SHISA9: variants seen among roughly 807,000 people sequenced by gnomAD.
The protein encoded by SHISA9 is shisa family member 9.
Under a neutral mutation model 38.0 loss-of-function variants are expected in SHISA9, and 13 were observed. The ratio of observed to expected loss-of-function variants is 0.34; its 90% CI spans 0.22 to 0.54. The LOEUF is 0.54. Among genes scored for constraint, SHISA9 ranks in the 20% least tolerant of loss-of-function variants. The probability of loss-of-function intolerance (pLI) is 0.91; values close to 1 mark genes in which losing one functional copy is unlikely to be tolerated. For synonymous variants in SHISA9, 275 were observed against 242.0 expected (o/e 1.14, Z -1.27); for missense variants, 538 against 575.8 (o/e 0.93, Z 0.67).
At chr16:13,381,784 T>C in the SHISA9 span, among the ~76,000 whole-genome samples, 1 of 152,238 alleles carries the variant, frequency 6.6e-6, no homozygotes, top group Admixed American at 6.5e-5. Flanking sequence ...TTATTGTGCC[T>C]GGAGCAGGAC....
chr16:13,032,995 C>A (rs1311386497), intron 2 of SHISA9, among the ~76,000 whole-genome samples: 1 of 152,214 alleles, frequency 6.6e-6, no homozygotes, highest in Admixed American at 6.5e-5. Flanking sequence ...GACCTGCCTT[C>A]TGCTGTGTTG....
At chr16:13,407,814 TCTTA>T in the SHISA9 span, among the ~76,000 whole-genome samples, 2 of 152,212 alleles carry the variant, frequency 1.3e-5, no homozygotes, top group Admixed American at 1.3e-4. Flanking sequence ...AGGAAGCACA[TCTTA>T]CTTTCTTCAT....
intron 2 of SHISA9, among the ~76,000 whole-genome samples, chr16:12,967,405 G>C (rs947329256): frequency 6.6e-6 from 1 of 152,040 alleles, no homozygotes; most frequent in African/African-American, 2.4e-5. Flanking sequence ...ACCAGGGACT[G>C]TTGTGGGGTT....
At chr16:13,119,267 C>CTCAAA (rs953033230) in intron 2 of SHISA9, among the ~76,000 whole-genome samples, 3 of 152,184 alleles carry the variant, frequency 2.0e-5, no homozygotes, top group African/African-American at 7.2e-5. Context: ...AGGTGCTTTG[C>CTCAAA]TCAAGGTCAC....
At chr16:13,209,788 G>A (rs1010330094) in intron 3 of SHISA9, among the ~76,000 whole-genome samples, 7 of 152,178 alleles carry the variant, frequency 4.6e-5, no homozygotes, top group Admixed American at 6.5e-5. Context: ...GCCAAAGTTT[G>A]GAAGACAGAC....
rs1292611934 is a variant in SHISA9, at chr16:13,015,653, G to C, written c.691+98838G>C. On this transcript the variant is annotated intron_variant, in intron 2 of 4. Transcript: ENST00000558583. ...TAAAATTGCCCCTAAAGGCATGCAG[G>C]CTTCCTGGGTAGTTGGTAGCTGAAG... is the stretch of plus-strand genomic sequence containing the variant. Among the ~76,000 whole-genome samples, 5 of 152,220 alleles carry C rather than the reference G, an allele frequency of 3.3e-5. No individual in the cohort carries two copies. In the South Asian group the frequency reaches 8.3e-4, roughly 25 times the overall value.
the SHISA9 span, among the ~76,000 whole-genome samples, chr16:13,375,752 C>G: frequency 6.6e-6 from 1 of 152,154 alleles, no homozygotes; most frequent in Non-Finnish European, 1.5e-5. Flanking sequence ...CAACACATCA[C>G]TGAAAGCAAC....
the SHISA9 span, among the ~76,000 whole-genome samples, chr16:13,442,777 G>C: frequency 1.3e-5 from 2 of 152,088 alleles, no homozygotes; most frequent in African/African-American, 4.8e-5. Flanking sequence ...AACATAGTGA[G>C]ACTTGGTCTC....
chr16:13,373,224 C>G, the SHISA9 span, among the ~76,000 whole-genome samples: 1 of 152,182 alleles, frequency 6.6e-6, no homozygotes, highest in Non-Finnish European at 1.5e-5. Context: ...CAAACTGTTT[C>G]AAAGGTTGAA....
chr16:12,970,959 T>A (rs2072073348), intron 2 of SHISA9, among the ~76,000 whole-genome samples: 1 of 152,154 alleles, frequency 6.6e-6, no homozygotes, highest in Non-Finnish European at 1.5e-5. Flanking sequence ...TCGCAAAGTA[T>A]TTGTTGAATG....
At chr16:13,096,297 C>T (rs1204403526) in intron 2 of SHISA9, among the ~76,000 whole-genome samples, 1 of 152,140 alleles carries the variant, frequency 6.6e-6, no homozygotes, top group African/African-American at 2.4e-5. Context: ...CCTCATCTAC[C>T]CTTAGGTAGC....
In SHISA9 at chr16:12,906,712, A is replaced by G. The variant is rs180748658; in HGVS notation, c.563+4085A>G. 1.8e-4 allele frequency among the ~76,000 whole-genome samples: 27 copies of G among 152,340 alleles called. No homozygotes were observed. In the East Asian group the frequency reaches 4.2e-3, roughly 24 times the overall value. ...ACATACAAAAAAACCTTGAAAAATCATAACATAACTTCACTATATCCTTTA... is the reference window on the plus strand; with the variant it reads ...ACATACAAAAAAACCTTGAAAAATCGTAACATAACTTCACTATATCCTTTA... On this transcript the variant is annotated intron_variant, in intron 1 of 4. Transcript: ENST00000558583.
At chr16:13,089,258 TTC>T (rs1317027202) in intron 2 of SHISA9, among the ~76,000 whole-genome samples, 1 of 152,146 alleles carries the variant, frequency 6.6e-6, no homozygotes, top group East Asian at 1.9e-4. Context: ...TGGTCTAAAA[TTC>T]TCTTTTTTTG....
chr16:13,422,268 G>T, the SHISA9 span, among the ~76,000 whole-genome samples: 1 of 152,324 alleles, frequency 6.6e-6, no homozygotes, highest in South Asian at 2.1e-4. Flanking sequence ...ATATGTTCCT[G>T]TCCTTGCTAC....
the SHISA9 span, among the ~76,000 whole-genome samples, chr16:13,268,853 T>C: frequency 6.6e-6 from 1 of 152,194 alleles, no homozygotes; most frequent in Non-Finnish European, 1.5e-5. Flanking sequence ...TGAGTACATA[T>C]TACGTGTCCA....
the SHISA9 span, among the ~76,000 whole-genome samples, chr16:13,302,216 C>G: frequency 6.6e-6 from 1 of 152,082 alleles, no homozygotes; most frequent in Non-Finnish European, 1.5e-5. Flanking sequence ...TGTTTGTCCC[C>G]CCATTGAACT....
At chr16:13,069,493 C>T (rs1032162256) in intron 2 of SHISA9, among the ~76,000 whole-genome samples, 25 of 151,416 alleles carry the variant, frequency 1.7e-4, no homozygotes, top group African/African-American at 6.1e-4. Context: ...ACACACAATG[C>T]ATGCATGTGT....
chr16:13,523,119 G>A, the SHISA9 span, among the ~76,000 whole-genome samples: 6 of 152,126 alleles, frequency 3.9e-5, no homozygotes, highest in South Asian at 2.1e-4. Flanking sequence ...AGGCCAAGGC[G>A]GGCAGATCAC....
rs145327337 is a variant in SHISA9 at position 13,013,876 on chromosome 16, C to T, written c.691+97061C>T. Among the ~76,000 whole-genome samples the T allele has an allele frequency of 6.7e-3, 1,023 of 152,178 alleles. 7 individuals are homozygous for T. Among genetic ancestry groups the T allele is most frequent in the Middle Eastern group, 0.02 (6 of 294 alleles). On this transcript the variant is annotated intron_variant, in intron 2 of 4. Transcript: ENST00000558583. ...CTGAGTAGCTGGGACTACAGGTGCC[C>T]GCCACCAGGCCTGGCTAATTTTTTT...
Sources: gnomAD v4.1 joint callset for allele counts (sites outside exome capture counted in the v4.1 genomes callset) on GRCh38, gnomAD v4.1.1 for gene constraint, MANE v1.5 for transcripts, NCBI Gene and HGNC (gene_info 2026-07-23, HGNC 2026-07-21) for gene names.